The following ZBTB38 variants were observed in gnomAD, a reference collection of about 807,000 sequenced individuals.
The protein encoded by ZBTB38 is zinc finger and BTB domain containing 38.
A neutral mutation model predicts 76.8 loss-of-function variants in ZBTB38; 20 were observed. The observed-to-expected ratio is 0.26, with a 90% CI of 0.18 to 0.38. The LOEUF is 0.38. ZBTB38 is among the 10% of genes least tolerant of loss of function. The pLI, the probability that ZBTB38 is intolerant of heterozygous loss-of-function variation, is 1.00. For synonymous variants in ZBTB38, 504 were observed against 544.2 expected (o/e 0.93, Z 1.03); for missense variants, 1,082 against 1,482.3 (o/e 0.73, Z 4.43).
intron 4 of ZBTB38, chr3:141,388,247 A>T (rs1202058624): frequency 6.6e-6 from 1 of 152,180 alleles, no homozygotes; most frequent in African/African-American, 2.4e-5. Flanking sequence ...CAAAGAGCGT[A>T]AACAAGCTTA....
chr3:141,378,266 G>A (rs1945678402), intron 2 of ZBTB38, among the ~76,000 whole-genome samples: 2 of 152,092 alleles, frequency 1.3e-5, no homozygotes, highest in South Asian at 4.1e-4. Context: ...AGGAGCACAG[G>A]GAACTGTGGT....
At chr3:141,383,830 G>A (rs1946551959) in intron 3 of ZBTB38, 1 of 152,170 alleles carries the variant, frequency 6.6e-6, no homozygotes, top group Non-Finnish European at 1.5e-5. Context: ...GGCAGAAACA[G>A]GCTAAAATGT....
chr3:141,396,213 C>G (rs1276472101), intron 4 of ZBTB38: 1 of 152,246 alleles, frequency 6.6e-6, no homozygotes, highest in Non-Finnish European at 1.5e-5. Flanking sequence ...GCTTCATCAA[C>G]TAAATTTATG....
chr3:141,367,191 G>A (rs1395211521), upstream of ZBTB38: 1 of 152,262 alleles, frequency 6.6e-6, no homozygotes, highest in African/African-American at 2.4e-5. Context: ...ACCCCAGATG[G>A]ACTGACCCTC....
chr3:141,433,388 T>G (rs1380692623), intron 5 of ZBTB38, among the ~76,000 whole-genome samples: 1 of 152,014 alleles, frequency 6.6e-6, no homozygotes, highest in Non-Finnish European at 1.5e-5. Flanking sequence ...CTAGACTCCC[T>G]TACACTCTTA....
intron 4 of ZBTB38, chr3:141,392,967 T>C (rs1174468916): frequency 1.3e-5 from 2 of 152,200 alleles, no homozygotes; most frequent in Admixed American, 1.3e-4. Context: ...AGAAAATTGC[T>C]CTTTTGATCT....
intron 2 of ZBTB38, among the ~76,000 whole-genome samples, chr3:141,376,632 C>T (rs1354021308): frequency 6.6e-6 from 1 of 152,216 alleles, no homozygotes; most frequent in Non-Finnish European, 1.5e-5. Flanking sequence ...TTATGTAAAA[C>T]CCATCACCTT....
At chr3:141,398,628 A>C (rs1050256977) in intron 4 of ZBTB38, among the ~76,000 whole-genome samples, 10 of 152,198 alleles carry the variant, frequency 6.6e-5, no homozygotes, top group Admixed American at 2.6e-4. Context: ...ATCTTGTTTC[A>C]TGTAAATCTC....
At chr3:141,393,834 G>A (rs992550213) in intron 4 of ZBTB38, among the ~76,000 whole-genome samples, 2 of 152,164 alleles carry the variant, frequency 1.3e-5, no homozygotes, top group South Asian at 2.1e-4. Context: ...GCAGGCCTAC[G>A]GCATACAGAC....
At chr3:141,364,792 A>G (rs1421181813), upstream of ZBTB38, among the ~76,000 whole-genome samples, 1 of 151,594 alleles carries the variant, frequency 6.6e-6, no homozygotes, top group Non-Finnish European at 1.5e-5. Context: ...CTGAAAACAC[A>G]CTCAACATCA....
chr3:141,371,041 C>CTTTTTTT (rs1944488920), intron 2 of ZBTB38, among the ~76,000 whole-genome samples: 11 of 75,450 alleles, frequency 1.5e-4, no homozygotes, highest in African/African-American at 6.6e-4. Flanking sequence ...TCTTTTCTTT[C>CTTTTTTT]TTTCTTTTTT....
intron 5 of ZBTB38, among the ~76,000 whole-genome samples, chr3:141,411,310 T>G (rs553931629): frequency 6.6e-6 from 1 of 152,356 alleles, no homozygotes; most frequent in East Asian, 1.9e-4. Flanking sequence ...ATTTCCTTTT[T>G]GAAAAACCTA....
At chr3:141,406,610 G>A (rs1013619118) in intron 5 of ZBTB38, among the ~76,000 whole-genome samples, 22 of 152,146 alleles carry the variant, frequency 1.4e-4, no homozygotes, top group African/African-American at 4.8e-4. Flanking sequence ...GGAGTCTTTG[G>A]TTTATAAGAA....
At chr3:141,364,130 T>TA (rs1170198240), upstream of ZBTB38, among the ~76,000 whole-genome samples, 134 of 146,954 alleles carry the variant, frequency 9.1e-4, 1 homozygote, top group African/African-American at 2.1e-3. Context: ...CTCAAAAATT[T>TA]AAAAAAAAAA....
chr3:141,324,805 T>G (rs546277930), intron 1 of ZBTB38, among the ~76,000 whole-genome samples: 170 of 152,324 alleles, frequency 1.1e-3, no homozygotes, highest in African/African-American at 4.0e-3. Flanking sequence ...AGTCTTGTTT[T>G]CAAAGTAATT....
chr3:141,379,644 AC>A (rs1383762144), intron 2 of ZBTB38, among the ~76,000 whole-genome samples: 3 of 152,202 alleles, frequency 2.0e-5, no homozygotes, highest in Non-Finnish European at 4.4e-5. Context: ...GTAGTTTTGC[AC>A]CTTTTAGTTT....
chr3:141,394,561 A>T (rs1949887069), intron 4 of ZBTB38: 1 of 152,202 alleles, frequency 6.6e-6, no homozygotes, highest in Non-Finnish European at 1.5e-5. Context: ...AGATTTTAGA[A>T]ATTATTTTCC....
intron 2 of ZBTB38, among the ~76,000 whole-genome samples, chr3:141,380,332 TC>T (rs1946030240): frequency 6.6e-6 from 1 of 152,250 alleles, no homozygotes; most frequent in Non-Finnish European, 1.5e-5. Context: ...GTCTCCTCTT[TC>T]CCTGTTCTAG....
At chr3:141,357,206 T>C (rs1404560421) in intron 1 of ZBTB38, among the ~76,000 whole-genome samples, 3 of 152,222 alleles carry the variant, frequency 2.0e-5, no homozygotes, top group African/African-American at 7.2e-5. Flanking sequence ...ATACTATTTG[T>C]CATTGGTACT....
Sources: allele counts gnomAD v4.1 joint callset (sites outside exome capture counted in the v4.1 genomes callset), GRCh38; gene constraint gnomAD v4.1.1; transcripts MANE v1.5; gene names NCBI Gene and HGNC (gene_info 2026-07-23, HGNC 2026-07-21).